The following MYO10 variants were observed in gnomAD, a reference collection of about 807,000 sequenced individuals.
MYO10 encodes the protein unconventional myosin-X.
A neutral mutation model predicts 257.3 loss-of-function variants in MYO10; 133 were observed. The ratio of observed to expected loss-of-function variants is 0.52; its 90% CI spans 0.45 to 0.60. The LOEUF is 0.60. Ranked by LOEUF, MYO10 falls within the 20% of genes least tolerant of loss-of-function variation. The probability of loss-of-function intolerance (pLI) is 0.00; values close to 1 mark genes in which losing one functional copy is unlikely to be tolerated. For synonymous variants in MYO10, 1,104 were observed against 1,028.6 expected (o/e 1.07, Z -1.40); for missense variants, 2,399 against 2,635.7 (o/e 0.91, Z 1.97).
intron 3 of MYO10, among the ~76,000 whole-genome samples, chr5:16,804,420 G>T (rs1035895227): frequency 1.3e-5 from 2 of 152,162 alleles, no homozygotes; most frequent in African/African-American, 2.4e-5. Flanking sequence ...CAAAGGGAGT[G>T]GGGGAAGGGC....
At chr5:16,881,862 T>C (rs547952951) in intron 1 of MYO10, among the ~76,000 whole-genome samples, 1 of 152,204 alleles carries the variant, frequency 6.6e-6, no homozygotes, top group African/African-American at 2.4e-5. Context: ...GCCCACCGTA[T>C]GCAAACTATT....
chr5:16,889,593 G>A (rs936256373), intron 1 of MYO10, among the ~76,000 whole-genome samples: 1 of 151,800 alleles, frequency 6.6e-6, no homozygotes, highest in Non-Finnish European at 1.5e-5. Flanking sequence ...AACAAGCCAA[G>A]AAAGACAAGT....
chr5:16,702,475 G>A, intron 24 of MYO10, 68 bp downstream of exon 24: 14 of 1,366,088 alleles, frequency 1.0e-5, no homozygotes, highest in Non-Finnish European at 1.4e-5. Flanking sequence ...TTGAATCCTA[G>A]AGTCCAAGCA....
intron 3 of MYO10, among the ~76,000 whole-genome samples, chr5:16,801,116 C>A (rs1002566316): frequency 4.6e-5 from 7 of 152,086 alleles, no homozygotes; most frequent in African/African-American, 1.4e-4. Flanking sequence ...GTTGAACTCC[C>A]CAAATTCCTC....
chr5:16,841,839 T>G (rs1381474321), intron 2 of MYO10, among the ~76,000 whole-genome samples: 1 of 152,190 alleles, frequency 6.6e-6, no homozygotes, highest in African/African-American at 2.4e-5. Context: ...CCTGGCTTCA[T>G]TATTCCGGAC....
chr5:16,894,773 T>A (rs376414031), intron 1 of MYO10, among the ~76,000 whole-genome samples: 1 of 152,288 alleles, frequency 6.6e-6, no homozygotes, highest in East Asian at 1.9e-4. Context: ...CACAGAGGAC[T>A]GGAGCCTGCG....
chr5:16,685,487 C>T (rs1485477951), intron 29 of MYO10, among the ~76,000 whole-genome samples: 2 of 152,202 alleles, frequency 1.3e-5, no homozygotes, highest in Non-Finnish European at 2.9e-5. Flanking sequence ...GCTGGGACTA[C>T]AGGCATGAGC....
chr5:16,738,441 A>G (rs934211862), intron 19 of MYO10: 1 of 983,726 alleles, frequency 1.0e-6, no homozygotes, highest in Non-Finnish European at 1.2e-6. Flanking sequence ...TCTTTTTGGA[A>G]ATGTTTAGCA....
intron 19 of MYO10, among the ~76,000 whole-genome samples, chr5:16,722,012 C>A (rs1465608094): frequency 6.6e-6 from 1 of 152,168 alleles, no homozygotes; most frequent in African/African-American, 2.4e-5. Context: ...AACCATAGAT[C>A]ATTCTACTTG....
intron 21 of MYO10, among the ~76,000 whole-genome samples, chr5:16,705,648 G>A (rs1400939856): frequency 6.6e-6 from 1 of 152,006 alleles, no homozygotes; most frequent in Non-Finnish European, 1.5e-5. Context: ...GCTTCCATGC[G>A]TCATTCTGGC....
chr5:16,852,702 C>T (rs946252640), intron 2 of MYO10, among the ~76,000 whole-genome samples: 3 of 151,972 alleles, frequency 2.0e-5, no homozygotes, highest in Non-Finnish European at 4.4e-5. Flanking sequence ...CCCTATTCTT[C>T]TGTTTTCTCA....
At chr5:16,901,762 G>A (rs1745384550) in intron 1 of MYO10, among the ~76,000 whole-genome samples, 1 of 152,176 alleles carries the variant, frequency 6.6e-6, no homozygotes, top group Admixed American at 6.5e-5. Context: ...CTTGCCCTCT[G>A]TGCTACCCCA....
chr5:16,836,419 T>A (rs1020988249), intron 2 of MYO10, among the ~76,000 whole-genome samples: 7 of 152,200 alleles, frequency 4.6e-5, no homozygotes, highest in African/African-American at 1.7e-4. Flanking sequence ...TGCATCTTCA[T>A]CCATCAACTC....
rs567454841 is a variant in MYO10 at position 16,816,835 on chromosome 5, T to C, written c.279+1174A>G. ...GAGCCACCGCACCTGGCCTTTTTTT[T>C]CTGAGACAGAGTTTCGCTCTGTCAC... On this transcript the variant is annotated intron_variant, in intron 3 of 40. Transcript: ENST00000513610. Among the ~76,000 whole-genome samples the C allele has an allele frequency of 2.8e-5, 4 of 144,474 alleles. No homozygotes were observed. In the South Asian group the frequency reaches 8.8e-4, roughly 32 times the overall value. The allele number at this position is 144,474 out of a possible 152,430, so 94.8% of individuals were successfully genotyped here. A position where few individuals can be genotyped will look rare whatever the true frequency, so the allele number is the denominator to read the frequency against.
chr5:16,860,305 T>G (rs1454315634), intron 2 of MYO10, among the ~76,000 whole-genome samples: 1 of 151,898 alleles, frequency 6.6e-6, no homozygotes, highest in African/African-American at 2.4e-5. Flanking sequence ...AAATAGCAAA[T>G]AAGTGGAAAG....
At chr5:16,850,173 G>C (rs1330338231) in intron 2 of MYO10, among the ~76,000 whole-genome samples, 1 of 152,216 alleles carries the variant, frequency 6.6e-6, no homozygotes, top group African/African-American at 2.4e-5. Context: ...TAGGGAAAAT[G>C]TCTTCATCAA....
At chr5:16,689,794 G>C (rs1169795889) in intron 28 of MYO10, 30 bp downstream of exon 28, 2 of 1,538,336 alleles carry the variant, frequency 1.3e-6, no homozygotes, top group Admixed American at 3.3e-5. Context: ...GCAGGATGTG[G>C]GTAACACAAA....
intron 26 of MYO10, 43 bp downstream of exon 26, chr5:16,699,407 C>T (rs755286486): frequency 7.5e-6 from 12 of 1,595,428 alleles, no homozygotes; most frequent in South Asian, 6.7e-5. Context: ...AATAACGCCT[C>T]GCTCTCCCCC....
At chr5:16,912,823 C>T (rs527622910) in intron 1 of MYO10, among the ~76,000 whole-genome samples, 1 of 145,170 alleles carries the variant, frequency 6.9e-6, no homozygotes, top group Admixed American at 6.8e-5. Context: ...CACACACACA[C>T]ACACACACAC....
Sources: allele counts gnomAD v4.1 joint callset (sites outside exome capture counted in the v4.1 genomes callset), GRCh38; gene constraint gnomAD v4.1.1; transcripts MANE v1.5; gene names NCBI Gene and HGNC (gene_info 2026-07-23, HGNC 2026-07-21).